The following FRMPD4 variants were observed in gnomAD, a reference collection of about 807,000 sequenced individuals.
The protein encoded by FRMPD4 is FERM and PDZ domain containing 4.
Under a neutral mutation model 94.1 loss-of-function variants are expected in FRMPD4, and 22 were observed. That is an observed-to-expected ratio of 0.23 (90% CI 0.17 to 0.33). The LOEUF is 0.33. FRMPD4 is among the 10% of genes least tolerant of loss of function. The probability of loss-of-function intolerance (pLI) is 1.00; values close to 1 mark genes in which losing one functional copy is unlikely to be tolerated. For missense variants in FRMPD4, 1,111 were observed against 1,339.9 expected, an observed-to-expected ratio of 0.83 and a Z score of 2.67; for synonymous variants, 631 against 548.6, an observed-to-expected ratio of 1.15 and a Z score of -2.10.
At chrX:12,661,489 C>T (rs1165724346) in intron 4 of FRMPD4, among the ~76,000 whole-genome samples, 1 of 111,526 alleles carries the variant, frequency 9.0e-6, no homozygotes, top group Non-Finnish European at 1.9e-5. Context: ...AATTCATCTC[C>T]TCTATGTTTC....
chrX:12,387,478 GAAGAA>G (rs1023359108), intron 1 of FRMPD4, among the ~76,000 whole-genome samples: 3 of 111,979 alleles, frequency 2.7e-5, no homozygotes, highest in African/African-American at 9.7e-5. Flanking sequence ...CTCAGAGGCA[GAAGAA>G]AAGTTATGTC....
At chrX:12,714,409 C>G (rs1050251020) in intron 14 of FRMPD4, among the ~76,000 whole-genome samples, 1 of 111,409 alleles carries the variant, frequency 9.0e-6, no homozygotes, top group African/African-American at 3.3e-5. Flanking sequence ...CCAAATCTCT[C>G]TCTGCCATTG....
chrX:12,410,037 A>G (rs1389255756), intron 1 of FRMPD4, among the ~76,000 whole-genome samples: 1 of 111,518 alleles, frequency 9.0e-6, no homozygotes, highest in East Asian at 2.8e-4. Context: ...GTGAAGCTTT[A>G]TGTCAGTGCT....
rs139373368 is a variant in FRMPD4 at position 11,854,536 on chromosome X, G to A, written c.-160-10550G>A. ...TTAGTAATACTTCCTAGATACAATG[G>A]GGGTATAGGCATTGGGTAAAATACA... On this transcript the variant is annotated intron_variant, in intron 1 of 18. Coordinates refer to the FRMPD4 transcript ENST00000640291. 7.5e-3 allele frequency among the ~76,000 whole-genome samples: 838 copies of A among 112,300 alleles called. 7 individuals are homozygous for A. Among genetic ancestry groups the A allele is most frequent in the Middle Eastern group, 0.019 (4 of 214 alleles).
intron 1 of FRMPD4, among the ~76,000 whole-genome samples, chrX:12,390,120 C>T (rs775386542): frequency 9.1e-4 from 102 of 112,099 alleles, no homozygotes; most frequent in Non-Finnish European, 5.1e-4. Context: ...CAATGTTGAA[C>T]TTCAGATTTG....
At chrX:12,102,347 C>T (rs774869297) in intron 3 of FRMPD4, among the ~76,000 whole-genome samples, 1 of 111,540 alleles carries the variant, frequency 9.0e-6, no homozygotes, top group African/African-American at 3.3e-5. Flanking sequence ...AAAGCCGTCA[C>T]CGTGTTTGGC....
chrX:12,007,078 G>A (rs145053150), intron 3 of FRMPD4, among the ~76,000 whole-genome samples: 3 of 111,764 alleles, frequency 2.7e-5, no homozygotes, highest in African/African-American at 6.5e-5. Context: ...AATTCATTGC[G>A]ATGCTGCTGT....
intron 1 of FRMPD4, among the ~76,000 whole-genome samples, chrX:12,158,201 G>A (rs755578476): frequency 9.0e-6 from 1 of 111,556 alleles, no homozygotes; most frequent in East Asian, 2.8e-4. Context: ...TTTATTGTTT[G>A]AATTGGAGGT....
chrX:12,542,292 T>C (rs2058423242), intron 2 of FRMPD4, among the ~76,000 whole-genome samples: 1 of 111,844 alleles, frequency 8.9e-6, no homozygotes, highest in Non-Finnish European at 1.9e-5. Flanking sequence ...AACGAGGAAG[T>C]CAAATTGTCC....
At chrX:12,079,110 G>T (rs749383740) in intron 3 of FRMPD4, among the ~76,000 whole-genome samples, 2 of 111,144 alleles carry the variant, frequency 1.8e-5, no homozygotes, top group South Asian at 7.7e-4. Context: ...GCCTACTAGG[G>T]TTTAAAGGGT....
At chrX:12,007,526 C>A (rs1268181001) in intron 3 of FRMPD4, among the ~76,000 whole-genome samples, 2 of 111,925 alleles carry the variant, frequency 1.8e-5, no homozygotes, top group Non-Finnish European at 3.8e-5. Flanking sequence ...CAGACAGGGT[C>A]CTGCAGGAGC....
intron 3 of FRMPD4, among the ~76,000 whole-genome samples, chrX:12,062,846 A>G (rs1271789994): frequency 8.9e-6 from 1 of 111,767 alleles, no homozygotes; most frequent in African/African-American, 3.3e-5. Context: ...AGAATTTTCT[A>G]GATAGAAAAT....
intron 1 of FRMPD4, among the ~76,000 whole-genome samples, chrX:12,489,973 T>C (rs1458847778): frequency 9.0e-6 from 1 of 111,390 alleles, no homozygotes; most frequent in East Asian, 2.8e-4. Flanking sequence ...TATCTGCTTG[T>C]CACAGCTCTA....
intron 6 of FRMPD4, among the ~76,000 whole-genome samples, chrX:12,685,754 A>G (rs867777038): frequency 2.7e-5 from 3 of 112,004 alleles, no homozygotes; most frequent in African/African-American, 9.7e-5. Flanking sequence ...AAACAGCATC[A>G]TTGCTGGTCT....
chrX:12,028,075 G>T (rs1379405097), intron 3 of FRMPD4, among the ~76,000 whole-genome samples: 1 of 112,011 alleles, frequency 8.9e-6, no homozygotes, highest in Non-Finnish European at 1.9e-5. Context: ...TCCATGTGTG[G>T]CTTAACTACG....
intron 1 of FRMPD4, among the ~76,000 whole-genome samples, chrX:11,828,345 C>T (rs2147271061): frequency 8.9e-6 from 1 of 112,367 alleles, no homozygotes; most frequent in Admixed American, 9.4e-5. Flanking sequence ...CCGCACCAGA[C>T]TTTTTGATAT....
intron 2 of FRMPD4, among the ~76,000 whole-genome samples, chrX:12,605,758 A>G (rs997474225): frequency 9.1e-6 from 1 of 109,944 alleles, no homozygotes; most frequent in Non-Finnish European, 1.9e-5. Flanking sequence ...CTCCCCCCGA[A>G]ACGTTTCCTG....
At chrX:12,283,258 T>C (rs1463314731) in intron 1 of FRMPD4, among the ~76,000 whole-genome samples, 2 of 113,228 alleles carry the variant, frequency 1.8e-5, no homozygotes, top group Non-Finnish European at 3.7e-5. Context: ...GAGAACAAAG[T>C]AGGCATACAT....
chrX:12,109,533 C>T (rs1208850746), intron 3 of FRMPD4, among the ~76,000 whole-genome samples: 1 of 111,564 alleles, frequency 9.0e-6, no homozygotes, highest in Non-Finnish European at 1.9e-5. Context: ...CAAGAGCAAA[C>T]ACATTGAAAA....
Sources: allele counts gnomAD v4.1 joint callset (sites outside exome capture counted in the v4.1 genomes callset), GRCh38; gene constraint gnomAD v4.1.1; transcripts MANE v1.5; gene names NCBI Gene and HGNC (gene_info 2026-07-23, HGNC 2026-07-21).